The following PITPNC1 variants were observed in gnomAD, a reference collection of about 807,000 sequenced individuals.
The protein encoded by PITPNC1 is cytoplasmic phosphatidylinositol transfer protein 1.
PITPNC1 carries 18 observed loss-of-function variants against 44.7 expected under a neutral mutation model. The ratio of observed to expected loss-of-function variants is 0.40; its 90% CI spans 0.28 to 0.60. The LOEUF is 0.60. Ranked by LOEUF, PITPNC1 falls within the 20% of genes least tolerant of loss-of-function variation. The pLI is 0.39. For missense variants in PITPNC1, 290 were observed against 418.4 expected, an observed-to-expected ratio of 0.69 and a Z score of 2.68; for synonymous variants, 141 against 149.6, an observed-to-expected ratio of 0.94 and a Z score of 0.42.
chr17:67,629,648 AAAG>A (rs2041941292), intron 5 of PITPNC1, among the ~76,000 whole-genome samples: 1 of 152,264 alleles, frequency 6.6e-6, no homozygotes, highest in African/African-American at 2.4e-5. Flanking sequence ...TTGCAGAAAG[AAAG>A]AAGGAGCGGG....
chr17:67,470,846 T>C (rs2144001291), intron 1 of PITPNC1, among the ~76,000 whole-genome samples: 1 of 144,470 alleles, frequency 6.9e-6, no homozygotes, highest in East Asian at 2.0e-4. Flanking sequence ...CTTTTCATTT[T>C]GTTCTGCACT....
chr17:67,590,959 A>G (rs912729194), intron 5 of PITPNC1, among the ~76,000 whole-genome samples: 3 of 152,064 alleles, frequency 2.0e-5, no homozygotes, highest in Non-Finnish European at 2.9e-5. Flanking sequence ...GTCTCAAAAA[A>G]AAAAAAAGAA....
chr17:67,466,206 G>A (rs948248745), intron 1 of PITPNC1, among the ~76,000 whole-genome samples: 3 of 113,920 alleles, frequency 2.6e-5, no homozygotes, highest in Non-Finnish European at 5.2e-5. Context: ...GTGGGGGGGT[G>A]GGGGGGGGCG....
At chr17:67,674,777 G>A (rs994887649) in intron 7 of PITPNC1, among the ~76,000 whole-genome samples, 2 of 152,098 alleles carry the variant, frequency 1.3e-5, no homozygotes, top group African/African-American at 4.8e-5. Flanking sequence ...AGTTTGGGAG[G>A]TCGAGGTGGG....
At chr17:67,637,023 AAG>A (rs1236850163) in intron 6 of PITPNC1, among the ~76,000 whole-genome samples, 1 of 152,130 alleles carries the variant, frequency 6.6e-6, no homozygotes, top group Non-Finnish European at 1.5e-5. Context: ...GGAGGCAGCA[AAG>A]TTCTGGTCCG....
At chr17:67,436,687 T>C (rs568270063) in intron 1 of PITPNC1, among the ~76,000 whole-genome samples, 10 of 152,126 alleles carry the variant, frequency 6.6e-5, no homozygotes, top group African/African-American at 2.2e-4. Context: ...TTTGCAAGAA[T>C]GGCAACAGGG....
chr17:67,564,063 TTGGA>T (rs1033537412), intron 4 of PITPNC1, among the ~76,000 whole-genome samples: 9 of 152,120 alleles, frequency 5.9e-5, no homozygotes, highest in South Asian at 2.1e-4. Context: ...GATAGGTAGA[TTGGA>T]TGGATGGATG....
chr17:67,673,016 C>T (rs1156461983), intron 7 of PITPNC1, among the ~76,000 whole-genome samples: 1 of 152,086 alleles, frequency 6.6e-6, no homozygotes, highest in East Asian at 1.9e-4. Flanking sequence ...ACTGATGCCT[C>T]GATGCTGTTC....
At chr17:67,456,229 C>T (rs1376302162) in intron 1 of PITPNC1, among the ~76,000 whole-genome samples, 2 of 152,112 alleles carry the variant, frequency 1.3e-5, no homozygotes, top group African/African-American at 4.8e-5. Flanking sequence ...TCTTCTTCCC[C>T]TTTTTGGTCA....
At chr17:67,625,924 C>G (rs767059576) in intron 5 of PITPNC1, among the ~76,000 whole-genome samples, 1 of 151,796 alleles carries the variant, frequency 6.6e-6, no homozygotes, top group Admixed American at 6.6e-5. Context: ...TTCAGGATGT[C>G]TCCCAGAATC....
chr17:67,385,398 A>G (rs2038027072), intron 1 of PITPNC1, among the ~76,000 whole-genome samples: 1 of 152,160 alleles, frequency 6.6e-6, no homozygotes, highest in Non-Finnish European at 1.5e-5. Flanking sequence ...GCTCTGTAAA[A>G]TGGAGCAATC....
At chr17:67,615,201 G>A (rs375176446) in intron 5 of PITPNC1, among the ~76,000 whole-genome samples, 1 of 152,200 alleles carries the variant, frequency 6.6e-6, no homozygotes, top group Non-Finnish European at 1.5e-5. Flanking sequence ...ACATAGATGC[G>A]AAAACCAAAC....
In PITPNC1 at chr17:67,547,862, G is replaced by A. The variant is rs921876594; in HGVS notation, c.198-4395G>A. Among the ~76,000 whole-genome samples the A allele has an allele frequency of 4.6e-5, 7 of 152,246 alleles. No individual in the cohort carries two copies. In the East Asian group the frequency reaches 1.2e-3, roughly 25 times the overall value. On this transcript the variant is annotated intron_variant, in intron 2 of 8. Coordinates refer to ENST00000581322, the MANE Select transcript of PITPNC1 (RefSeq NM_012417.4). ...TTCTTATTAAATCAGTTGTGATTTC[G>A]GGAACCTTGGGGAATTTATGACATG...
intron 1 of PITPNC1, among the ~76,000 whole-genome samples, chr17:67,523,698 C>T (rs934688192): frequency 2.0e-5 from 3 of 151,906 alleles, no homozygotes; most frequent in Admixed American, 6.6e-5. Context: ...ACAATTATCA[C>T]GTCTCTGGAG....
At chr17:67,622,341 A>G (rs983975871) in intron 5 of PITPNC1, among the ~76,000 whole-genome samples, 3 of 151,176 alleles carry the variant, frequency 2.0e-5, no homozygotes, top group African/African-American at 7.3e-5. Flanking sequence ...ATGACCATGT[A>G]GAAGACAAGT....
intron 2 of PITPNC1, 53 bp from the exon 3 acceptor site, chr17:67,552,204 G>A (rs1166944867): frequency 1.2e-6 from 1 of 868,944 alleles, no homozygotes; most frequent in African/African-American, 1.6e-5. Context: ...ATGTGGTAGT[G>A]TGGTGAGACT....
intron 8 of PITPNC1, chr17:67,687,168 G>C: frequency 6.3e-7 from 1 of 1,576,686 alleles, no homozygotes; most frequent in Non-Finnish European, 8.7e-7. Flanking sequence ...GACATAGAGA[G>C]TCATGCCCAA....
Position 67,408,032 on chromosome 17 carries a change from C to G in PITPNC1, c.48+29830C>G, listed in dbSNP as rs181835078. Among the ~76,000 whole-genome samples the G allele has an allele frequency of 3.5e-3, 524 of 151,848 alleles. 2 individuals carry two copies. Among genetic ancestry groups the G allele is most frequent in the African/African-American group, 9.9e-3 (410 of 41,524 alleles). On this transcript the variant is annotated intron_variant, in intron 1 of 8. Transcript: ENST00000581322. ...GTGCAGTGGGGCAATCTCGATTGAA[C>G]GCAACCTCCGCCTCCCCAGTTCAAG...
At chr17:67,465,986 G>A (rs79164519) in intron 1 of PITPNC1, among the ~76,000 whole-genome samples, 1 of 138,132 alleles carries the variant, frequency 7.2e-6, no homozygotes, top group South Asian at 2.3e-4. Context: ...AGGCAAGGTC[G>A]GCCTTTATTT....
Sources: gnomAD v4.1 joint callset for allele counts (sites outside exome capture counted in the v4.1 genomes callset) on GRCh38, gnomAD v4.1.1 for gene constraint, MANE v1.5 for transcripts, NCBI Gene and HGNC (gene_info 2026-07-23, HGNC 2026-07-21) for gene names.